The following CNMD variants were observed in gnomAD, a reference collection of about 807,000 sequenced individuals.
CNMD encodes the protein chondromodulin.
CNMD carries 30 observed loss-of-function variants against 37.5 expected under a neutral mutation model. The ratio of observed to expected loss-of-function variants is 0.80; its 90% CI spans 0.60 to 1.09. The LOEUF (loss-of-function observed/expected upper bound fraction) is 1.09, where lower values mean the gene tolerates loss of function less well. Ranked by LOEUF, CNMD falls within the 50% of genes least tolerant of loss-of-function variation. CNMD has a pLI of 0.00. For missense variants in CNMD, 398 were observed against 423.9 expected, an observed-to-expected ratio of 0.94 and a Z score of 0.54; for synonymous variants, 167 against 148.2, an observed-to-expected ratio of 1.13 and a Z score of -0.92.
chr13:52,728,988 A>T (rs1964620515), intron 3 of CNMD, among the ~76,000 whole-genome samples: 1 of 152,230 alleles, frequency 6.6e-6, no homozygotes, highest in South Asian at 2.1e-4. Flanking sequence ...GTTTTTGCAA[A>T]CAAACAGGCT....
Position 52,726,497 on chromosome 13 carries a change from C to T in CNMD, c.355-2387G>A, listed in dbSNP as rs919281818. 7.3e-5 allele frequency among the ~76,000 whole-genome samples: 11 copies of T among 151,214 alleles called. No individual in the cohort carries two copies. In the East Asian group the frequency reaches 1.5e-3, roughly 21 times the overall value. ...CAAGAAAAATCACAGACACCACCGA[C>T]GCTGTTTACAGCTAAAAAAAAAAAA... On this transcript the variant is annotated intron_variant, in intron 3 of 6. Coordinates refer to ENST00000377962, the MANE Select transcript of CNMD (RefSeq NM_007015.3).
chr13:52,739,203 G>T lies in CNMD; in HGVS notation c.73-32C>A. ...GCCGGGGCGGGAGAGGGACCGTCGC[G>T]TTTGTGCCGCCAGCACCTGCGGCCC... On this transcript the variant is annotated intron_variant, in intron 1 of 6. Coordinates refer to ENST00000377962, the MANE Select transcript of CNMD (RefSeq NM_007015.3). The surrounding 1 kb of genome is among the most constrained non-coding windows in gnomAD (Gnocchi z 5.4). The T allele has an allele frequency of 6.9e-7, 1 of 1,447,198 alleles. No homozygotes were observed. 89.6% of individuals were successfully genotyped at this position (1,447,198 alleles called of 1,614,324 possible). A position where few individuals can be genotyped will look rare whatever the true frequency, so the allele number is the denominator to read the frequency against.
chr13:52,735,908 C>T (rs1487712080), intron 2 of CNMD, among the ~76,000 whole-genome samples: 1 of 150,562 alleles, frequency 6.6e-6, no homozygotes, highest in African/African-American at 2.4e-5. Context: ...CGACTCACTG[C>T]AACCTCCGCC....
chr13:52,708,768 CAG>C, intron 5 of CNMD, 66 bp from the exon 6 acceptor site: 1 of 1,326,412 alleles, frequency 7.5e-7, no homozygotes, highest in Non-Finnish European at 1.0e-6. Context: ...CTGTGTTTAT[CAG>C]GGTGAAAAAC....
At chr13:52,705,466 C>T (rs1164840456) in intron 6 of CNMD, among the ~76,000 whole-genome samples, 1 of 152,180 alleles carries the variant, frequency 6.6e-6, no homozygotes, top group Non-Finnish European at 1.5e-5. Context: ...ATCAGACTCA[C>T]TCTGTTCTTT....
chr13:52,735,956 G>T (rs1742395634), intron 2 of CNMD, among the ~76,000 whole-genome samples: 1 of 151,382 alleles, frequency 6.6e-6, no homozygotes, highest in Admixed American at 6.6e-5. Context: ...CAGCCTCCCA[G>T]GGAGCTGGGA....
In CNMD at chr13:52,724,074, A is replaced by T. The variant is rs1404531190; in HGVS notation, c.391T>A (p.Cys131Ser). Residue 131 changes from cysteine (C) to serine (S), a missense_variant, in exon 4 of 7, where the codon TGC becomes AGC. Coordinates refer to ENST00000377962, the MANE Select transcript of CNMD (RefSeq NM_007015.3). Reference protein sequence around the residue: ...TGIRFAGGEKCYIKAQVKARI... With the variant: ...TGIRFAGGEKSYIKAQVKARI... The stretch of plus-strand genomic sequence containing the variant: ...GCCTTCACTTGCGCTTTAATGTAGC[A>T]CTTCTCTCCTCCAGCAAAACGAATT... 1 of 1,614,058 alleles carries T rather than the reference A, an allele frequency of 6.2e-7. No homozygotes were observed. Among genetic ancestry groups the T allele is most frequent in the Non-Finnish European group, 8.5e-7 (1 of 1,179,966 alleles).
intron 5 of CNMD, among the ~76,000 whole-genome samples, chr13:52,712,189 AG>A (rs5803607): frequency 0.56 from 84,973 of 151,858 alleles, 24,082 homozygotes; most frequent in East Asian, 0.74. Context: ...GCTCCAGCCT[AG>A]CTGTGAACCC....
chr13:52,706,629 T>C (rs537628553), intron 6 of CNMD, among the ~76,000 whole-genome samples: 2 of 152,182 alleles, frequency 1.3e-5, no homozygotes, highest in Non-Finnish European at 2.9e-5. Context: ...ATTAAATGAA[T>C]AGTAGTCATT....
At chr13:52,705,749 A>G (rs1964163657) in intron 6 of CNMD, among the ~76,000 whole-genome samples, 1 of 152,224 alleles carries the variant, frequency 6.6e-6, no homozygotes, top group Admixed American at 6.5e-5. Flanking sequence ...AAAAATTGAT[A>G]TAATTGGAGT....
At chr13:52,724,168 G>T in intron 3 of CNMD, 58 bp from the exon 4 acceptor site, 1 of 1,283,074 alleles carries the variant, frequency 7.8e-7, no homozygotes, top group Non-Finnish European at 1.1e-6. Context: ...TCGATTTATT[G>T]AGTGTCTACT....
rs1332123245 is a variant in CNMD, at chr13:52,739,685, T to C, written c.17A>G (p.Asp6Gly). Residue 6 changes from aspartate (D) to glycine (G), a missense_variant, in exon 1 of 7, where the codon GAC (aspartate) becomes GGC (glycine). Physicochemically the swap from Asp to Gly is moderately conservative, Grantham distance 94. Transcript: ENST00000377962. The surrounding 1 kb of genome is among the most constrained non-coding windows in gnomAD (Gnocchi z 5.4). ...TCCCACCAGGGCAATGGGAACTTTG[T>C]CGGAGTTCTCTGTCATGTTTGCGGC... Reference protein sequence around the residue: MTENSDKVPIALVGPD... With the variant: MTENSGKVPIALVGPD... The C allele has an allele frequency of 1.2e-6, 2 of 1,614,022 alleles. No individual in the cohort carries two copies. Among genetic ancestry groups the C allele is most frequent in the East Asian group, 2.2e-5 (1 of 44,894 alleles).
intron 2 of CNMD, among the ~76,000 whole-genome samples, chr13:52,735,579 C>G (rs576102218): frequency 6.6e-6 from 1 of 151,728 alleles, no homozygotes; most frequent in South Asian, 2.1e-4. Context: ...CAGGGATAGC[C>G]AATCTTTTGG....
intron 2 of CNMD, among the ~76,000 whole-genome samples, chr13:52,735,831 T>C (rs1168672999): frequency 6.9e-6 from 1 of 145,922 alleles, no homozygotes; most frequent in Admixed American, 6.8e-5. Flanking sequence ...GCCCACCTTT[T>C]TTTTTTTTTT....
At chr13:52,736,080 G>A (rs573952795) in intron 2 of CNMD, among the ~76,000 whole-genome samples, 13 of 151,472 alleles carry the variant, frequency 8.6e-5, no homozygotes, top group African/African-American at 2.4e-4. Flanking sequence ...TGCAAGCTCC[G>A]CCTCCTGGGT....
intron 2 of CNMD, among the ~76,000 whole-genome samples, chr13:52,738,474 T>TTTTGTTTG (rs911992257): frequency 6.6e-6 from 1 of 152,242 alleles, no homozygotes; most frequent in East Asian, 1.9e-4. Flanking sequence ...AAGTTAGACG[T>TTTTGTTTG]TTTGTTTGTT....
Position 52,733,471 on chromosome 13 carries a change from T to C in CNMD, c.214-112A>G, listed in dbSNP as rs138765360. On this transcript the variant is annotated intron_variant, in intron 2 of 6. Coordinates refer to ENST00000377962, the MANE Select transcript of CNMD (RefSeq NM_007015.3). Reference sequence around the variant, plus strand: ...CCATATGTTTCAGAGATACATGAGATAGTCCTTAATAATAATACATTTATA... The same window carrying C: ...CCATATGTTTCAGAGATACATGAGACAGTCCTTAATAATAATACATTTATA... 208 of 872,084 alleles carry C rather than the reference T, an allele frequency of 2.4e-4. 1 individual carries two copies. In the African/African-American group the frequency reaches 3.1e-3, roughly 13 times the overall value. 54.0% of individuals were successfully genotyped at this position (872,084 alleles called of 1,614,324 possible). A position where few individuals can be genotyped will look rare whatever the true frequency, so the allele number is the denominator to read the frequency against.
Position 52,712,805 on chromosome 13 carries a change from G to A in CNMD, c.533C>T (p.Pro178Leu), listed in dbSNP as rs1222082530. 1 of 1,596,138 alleles carries A rather than the reference G, an allele frequency of 6.3e-7. No homozygotes were observed. Among genetic ancestry groups the A allele is most frequent in the Non-Finnish European group, 8.5e-7 (1 of 1,171,330 alleles). ...NSLIWVAVDQ[P>L]VKDNSFLSSK... is the part of the protein sequence containing the mutation. ...ACTCAAGAAGCTGTTGTCCTTCACA[G>A]GCTGATCTACAGCCACCCAGATAAG... The change falls in exon 5 of 7, where the codon CCT becomes CTT. Residue 178 changes from proline to leucine, a missense_variant. Pro to Leu is a moderately conservative substitution (Grantham distance 98). Coordinates refer to ENST00000377962, the MANE Select transcript of CNMD (RefSeq NM_007015.3).
intron 5 of CNMD, among the ~76,000 whole-genome samples, chr13:52,712,206 A>T (rs1422988407): frequency 1.3e-5 from 2 of 152,126 alleles, no homozygotes; most frequent in Non-Finnish European, 2.9e-5. Context: ...AACCCCAGGG[A>T]GTCTGCACTT....
Sources: allele counts gnomAD v4.1 joint callset (sites outside exome capture counted in the v4.1 genomes callset), GRCh38; gene constraint gnomAD v4.1.1; non-coding constraint Gnocchi (gnomAD v3.1); transcripts MANE v1.5; gene names NCBI Gene and HGNC (gene_info 2026-07-23, HGNC 2026-07-21).